The following CATSPERB variants were observed in gnomAD, a reference collection of about 807,000 sequenced individuals.
CATSPERB encodes cation channel sperm-associated auxiliary subunit beta.
In CATSPERB, 93 loss-of-function variants were observed where a neutral mutation model predicts 128.3. The observed-to-expected ratio is 0.72, with a 90% confidence interval of 0.61 to 0.86. CATSPERB has a LOEUF of 0.86. Among genes scored for constraint, CATSPERB ranks in the 40% least tolerant of loss-of-function variants. CATSPERB has a pLI of 0.00. For missense variants in CATSPERB, 1,153 were observed against 1,329.5 expected, an observed-to-expected ratio of 0.87 and a Z score of 2.06; for synonymous variants, 381 against 448.8, an observed-to-expected ratio of 0.85 and a Z score of 1.91.
chr14:91,626,647 AC>A (rs1457363003), intron 17 of CATSPERB, among the ~76,000 whole-genome samples: 1 of 151,754 alleles, frequency 6.6e-6, no homozygotes, highest in Non-Finnish European at 1.5e-5. Context: ...ACATGTGCTC[AC>A]CCTTCTGCCT....
chr14:91,603,002 T>C (rs1893633088), intron 22 of CATSPERB, among the ~76,000 whole-genome samples: 1 of 152,232 alleles, frequency 6.6e-6, no homozygotes, highest in African/African-American at 2.4e-5. Flanking sequence ...CTCAATTTTT[T>C]TCAACACATC....
intron 9 of CATSPERB, among the ~76,000 whole-genome samples, chr14:91,692,420 T>C (rs1415508713): frequency 1.3e-5 from 2 of 152,180 alleles, no homozygotes; most frequent in African/African-American, 2.4e-5. Flanking sequence ...AATTATATAA[T>C]AAGCATTTTA....
chr14:91,699,125 T>C (rs1216893918), intron 7 of CATSPERB, among the ~76,000 whole-genome samples: 1 of 152,242 alleles, frequency 6.6e-6, no homozygotes, highest in Non-Finnish European at 1.5e-5. Context: ...CTTAGGTTTG[T>C]TCCACATCTT....
intron 15 of CATSPERB, among the ~76,000 whole-genome samples, chr14:91,659,304 T>C (rs1333331064): frequency 6.6e-6 from 1 of 152,214 alleles, no homozygotes; most frequent in Non-Finnish European, 1.5e-5. Flanking sequence ...CAATATTTGT[T>C]AGTTAAGAAA....
At chr14:91,678,813 T>A (rs896126731) in intron 11 of CATSPERB, among the ~76,000 whole-genome samples, 122 of 152,212 alleles carry the variant, frequency 8.0e-4, no homozygotes, top group African/African-American at 2.8e-3. Flanking sequence ...TGTATGATTT[T>A]TTTTGATAAA....
At chr14:91,592,267 T>A (rs901734752) in intron 22 of CATSPERB, 3 of 433,530 alleles carry the variant, frequency 6.9e-6, no homozygotes, top group Non-Finnish European at 1.2e-5. Context: ...CTAGAAAGCC[T>A]GTGTCATTCT....
At chr14:91,678,491 G>A (rs1055342730) in intron 11 of CATSPERB, among the ~76,000 whole-genome samples, 1 of 152,194 alleles carries the variant, frequency 6.6e-6, no homozygotes, top group African/African-American at 2.4e-5. Flanking sequence ...ATATATTTAT[G>A]TGATGTTGAT....
At chr14:91,663,700 T>C (rs1444173801) in intron 14 of CATSPERB, among the ~76,000 whole-genome samples, 2 of 151,036 alleles carry the variant, frequency 1.3e-5, no homozygotes. Flanking sequence ...TGTGAAGAGA[T>C]GGCGGATATT....
chr14:91,721,763 T>C (rs1896035073), intron 4 of CATSPERB, among the ~76,000 whole-genome samples: 1 of 149,668 alleles, frequency 6.7e-6, no homozygotes, highest in Admixed American at 6.7e-5. Flanking sequence ...GGCAGGAGAA[T>C]GGCGTGAACC....
At chr14:91,586,330 G>A (rs1332555534) in intron 26 of CATSPERB, among the ~76,000 whole-genome samples, 1 of 152,116 alleles carries the variant, frequency 6.6e-6, no homozygotes, top group Non-Finnish European at 1.5e-5. Context: ...AACCAGGGCT[G>A]CTCTTGGGCC....
At chr14:91,727,221 C>G (rs1234147950) in intron 2 of CATSPERB, among the ~76,000 whole-genome samples, 2 of 152,104 alleles carry the variant, frequency 1.3e-5, no homozygotes, top group African/African-American at 2.4e-5. Context: ...GAATCTGTCT[C>G]CCAGGTAGTG....
intron 20 of CATSPERB, among the ~76,000 whole-genome samples, chr14:91,614,736 C>T (rs1001255045): frequency 1.3e-5 from 2 of 152,164 alleles, no homozygotes; most frequent in Non-Finnish European, 2.9e-5. Context: ...GTCAAGGCTG[C>T]AGTGAGCTGT....
Position 91,658,515 on chromosome 14 carries a change from T to C in CATSPERB, c.1432+1322A>G, listed in dbSNP as rs1228320113. Among the ~76,000 whole-genome samples the C allele has an allele frequency of 2.6e-5, 4 of 151,122 alleles. No individual in the cohort carries two copies. In the South Asian group the frequency reaches 8.4e-4, roughly 32 times the overall value. On this transcript the variant is annotated intron_variant, in intron 15 of 26. Coordinates refer to ENST00000256343, the MANE Select transcript of CATSPERB (RefSeq NM_024764.4). ...AGTGACTACAGTCAATAATAATTTA[T>C]TATATATTTTAAAATAACTGGAAGA...
intron 18 of CATSPERB, 60 bp downstream of exon 18, chr14:91,624,760 C>G: frequency 1.5e-6 from 2 of 1,303,978 alleles, no homozygotes; most frequent in Non-Finnish European, 2.1e-6. Context: ...AATGCCTTCA[C>G]AAAAGATAAT....
chr14:91,725,431 AC>A, intron 2 of CATSPERB, among the ~76,000 whole-genome samples: 1 of 152,230 alleles, frequency 6.6e-6, no homozygotes, highest in Non-Finnish European at 1.5e-5. Context: ...TTAGAGGTAG[AC>A]AAAAACCAGT....
At chr14:91,640,248 T>G (rs532448575) in intron 15 of CATSPERB, among the ~76,000 whole-genome samples, 1 of 102,690 alleles carries the variant, frequency 9.7e-6, no homozygotes, top group African/African-American at 3.9e-5. Flanking sequence ...CTTTTTATTT[T>G]TTTATTTTTT....
intron 26 of CATSPERB, among the ~76,000 whole-genome samples, chr14:91,585,105 C>G (rs540722552): frequency 3.9e-5 from 6 of 152,078 alleles, no homozygotes; most frequent in Non-Finnish European, 5.9e-5. Context: ...TAGCCTTGAC[C>G]TCCCAGGCTG....
intron 15 of CATSPERB, among the ~76,000 whole-genome samples, chr14:91,654,178 T>A (rs567779592): frequency 6.6e-6 from 1 of 152,240 alleles, no homozygotes; most frequent in Admixed American, 6.5e-5. Flanking sequence ...GAGCCTCCAG[T>A]GATTATCCAC....
chr14:91,728,123 TG>T (rs149158196), intron 2 of CATSPERB, among the ~76,000 whole-genome samples: 3,315 of 152,252 alleles, frequency 0.022, 117 homozygotes, highest in African/African-American at 0.076. Context: ...AATTTGTTTT[TG>T]TTTGTTTGAT....
Sources: gnomAD v4.1 joint callset for allele counts (sites outside exome capture counted in the v4.1 genomes callset) on GRCh38, gnomAD v4.1.1 for gene constraint, MANE v1.5 for transcripts, NCBI Gene and HGNC (gene_info 2026-07-23, HGNC 2026-07-21) for gene names.